The following ERGIC3 variants were observed in gnomAD, a reference collection of about 807,000 sequenced individuals.
ERGIC3 encodes the protein endoplasmic reticulum-Golgi intermediate compartment protein 3.
A neutral mutation model predicts 54.7 loss-of-function variants in ERGIC3; 33 were observed. The ratio of observed to expected loss-of-function variants is 0.60; its 90% CI spans 0.46 to 0.81. The LOEUF is 0.81. Ranked by LOEUF, ERGIC3 falls within the 30% of genes least tolerant of loss-of-function variation. The probability of loss-of-function intolerance (pLI) is 0.00; values close to 1 mark genes in which losing one functional copy is unlikely to be tolerated. For synonymous variants in ERGIC3, 186 were observed against 189.8 expected (o/e 0.98, Z 0.16); for missense variants, 399 against 488.4 (o/e 0.82, Z 1.73).
Position 35,554,215 on chromosome 20 carries a change from C to T in ERGIC3, c.686-829C>T, listed in dbSNP as rs1193493189. Among the ~76,000 whole-genome samples the T allele has an allele frequency of 4.6e-5, 7 of 152,164 alleles. No homozygotes were observed. The South Asian group carries it at 1.2e-3, about 27-fold the overall frequency. Reference sequence around the variant, plus strand: ...CTCTCTGGCCAGATTAGTTCACTCTCGAGGAGGGGCCCAGAAGGAGGCTTG... The same window carrying T: ...CTCTCTGGCCAGATTAGTTCACTCTTGAGGAGGGGCCCAGAAGGAGGCTTG... On this transcript the variant is annotated intron_variant, in intron 7 of 12. Transcript: ENST00000348547.
chr20:35,556,932 T>TCCTAGC lies in ERGIC3; in HGVS notation c.880-31_880-26dup, dbSNP rs768280329. On this transcript the variant is annotated intron_variant, in intron 10 of 12. Transcript: ENST00000348547. ...GGGGCTGATGGTGGCTGGAGCCAGG[T>TCCTAGC]CCTAGCCCTAGCCCTGGCCCAGGCT... 3.7e-6 allele frequency: 6 copies of TCCTAGC among 1,612,286 alleles called. No individual in the cohort carries two copies. The African/African-American group carries it at 4.0e-5, about 11-fold the overall frequency.
In ERGIC3 at chr20:35,542,770, ATCCCCTTG is replaced by A. The variant is rs777566008; in HGVS notation, c.248-47_248-40del. On this transcript the variant is annotated intron_variant, in intron 3 of 12. Coordinates refer to ENST00000348547, the MANE Select transcript of ERGIC3 (RefSeq NM_015966.3). ...TATCCCCTTCCCCTCCAAAACCCAC[ATCCCCTTG>A]TCCCTAGGGTCCCAGTACCTTAGCC... The A allele has an allele frequency of 2.5e-6, 4 of 1,613,544 alleles. No homozygotes were observed. In the East Asian group the frequency reaches 8.9e-5, roughly 36 times the overall value.
In ERGIC3 at chr20:35,557,522, T is replaced by C; in HGVS notation, c.*18T>C. Reference sequence around the variant, plus strand: ...CAACGTAGTCACCCTCGGTGCTTCCTCTGTCTCCTCTTTCTCCCTGGCCTG... The same window carrying C: ...CAACGTAGTCACCCTCGGTGCTTCCCCTGTCTCCTCTTTCTCCCTGGCCTG... On this transcript the variant is annotated 3_prime_UTR_variant, in exon 13 of 13. Transcript: ENST00000348547. 6.2e-7 allele frequency: 1 copy of C among 1,609,622 alleles called. No individual in the cohort carries two copies.
chr20:35,552,568 G>T (rs1401722351), intron 7 of ERGIC3, among the ~76,000 whole-genome samples: 1 of 152,186 alleles, frequency 6.6e-6, no homozygotes, highest in Non-Finnish European at 1.5e-5. Flanking sequence ...AGGAAAGGAG[G>T]AAAGACAGGA....
At chr20:35,549,228 T>C in intron 7 of ERGIC3, 1 of 474,762 alleles carries the variant, frequency 2.1e-6, no homozygotes. Flanking sequence ...GTTGAAATGG[T>C]AGCCCCCCGT....
intron 4 of ERGIC3, chr20:35,543,258 G>C: frequency 2.8e-6 from 1 of 352,692 alleles, no homozygotes; most frequent in Non-Finnish European, 5.5e-6. Context: ...ATGGACCCAG[G>C]CTTCTTTGAG....
Position 35,542,536 on chromosome 20 carries a change from C to T in ERGIC3, c.183C>T (p.Asp61=). The change falls in exon 3 of 13, where the codon GAC becomes GAT. Residue 61 remains aspartate, a synonymous_variant. Transcript: ENST00000348547. ...TTEVHPELYV[D]KSRGDKLKIN... is the part of the protein sequence containing the mutation. ...AGGTGCATCCTGAGCTCTACGTGGA[C>T]AAGTCGCGGGGAGATAAACTGAAGA... is the stretch of plus-strand genomic sequence containing the variant. 6.8e-6 allele frequency: 11 copies of T among 1,613,984 alleles called. No individual in the cohort carries two copies. Among genetic ancestry groups the T allele is most frequent in the Non-Finnish European group, 9.3e-6 (11 of 1,180,018 alleles).
chr20:35,553,020 A>ATGTTTTTTTTT (rs2064689728), intron 7 of ERGIC3, among the ~76,000 whole-genome samples: 1 of 41,552 alleles, frequency 2.4e-5, no homozygotes, highest in African/African-American at 8.3e-5. Flanking sequence ...AAAGCTGGGG[A>ATGTTTTTTTTT]TTTTTTTTTT....
rs774671545 is a variant in ERGIC3 at position 35,543,023 on chromosome 20, G to C, written c.367+82G>C. ...TCTGCTAGCAAGTGAACTGTGGCAGGCATAGTGATACATTAAACAACTAAG... is the reference window on the plus strand; with the variant it reads ...TCTGCTAGCAAGTGAACTGTGGCAGCCATAGTGATACATTAAACAACTAAG... On this transcript the variant is annotated intron_variant, in intron 4 of 12. Coordinates refer to ENST00000348547, the MANE Select transcript of ERGIC3 (RefSeq NM_015966.3). The C allele has an allele frequency of 1.8e-5, 29 of 1,592,962 alleles. No homozygotes were observed. In the African/African-American group the frequency reaches 3.8e-4, roughly 21 times the overall value.
chr20:35,557,274 G>A (rs1428627013), intron 12 of ERGIC3, 25 bp downstream of exon 12: 20 of 1,613,962 alleles, frequency 1.2e-5, no homozygotes, highest in Non-Finnish European at 1.5e-5. Context: ...GCGTCTGTGA[G>A]CTGTGGGGTG....
intron 4 of ERGIC3, chr20:35,545,103 G>C (rs961417251): frequency 6.6e-6 from 1 of 152,514 alleles, no homozygotes; most frequent in East Asian, 1.9e-4. Flanking sequence ...ACGCCCAGCA[G>C]GGGATCTGCT....
In ERGIC3 at chr20:35,542,378, T is replaced by G; in HGVS notation, c.144T>G (p.Tyr48Ter). 1 of 1,613,748 alleles carries G rather than the reference T, an allele frequency of 6.2e-7. No individual in the cohort carries two copies. Among genetic ancestry groups the G allele is most frequent in the Non-Finnish European group, 8.5e-7 (1 of 1,179,962 alleles). The change falls in exon 2 of 13, where the codon TAT becomes TAG. Residue 48 changes from tyrosine to a stop codon, truncating the protein, a stop_gained. Coordinates refer to ENST00000348547, the MANE Select transcript of ERGIC3 (RefSeq NM_015966.3). LOFTEE classifies it high-confidence loss of function. ...TACTGTTCCTGTCCGAGCTGCAGTA[T>G]TACCTCACCACGGAGGTAAGGGGCG... ...MLLLFLSELQ[Y>*]YLTTEVHPEL...
intron 4 of ERGIC3, chr20:35,543,970 G>A (rs916495550): frequency 1.7e-4 from 52 of 312,052 alleles, no homozygotes; most frequent in Admixed American, 2.5e-4. Flanking sequence ...GGTATCTCAC[G>A]AGGTTGCAGT....
At chr20:35,543,662 T>C (rs1284933240) in intron 4 of ERGIC3, 1 of 471,192 alleles carries the variant, frequency 2.1e-6, no homozygotes. Flanking sequence ...TTTCAGCAGA[T>C]TAATGCAGGA....
chr20:35,544,975 G>A (rs892333693), intron 4 of ERGIC3: 1 of 151,988 alleles, frequency 6.6e-6, no homozygotes, highest in Non-Finnish European at 1.5e-5. Context: ...GCTACTTTTT[G>A]TATTTTTGGT....
At chr20:35,555,189 C>G (rs2064704441) in intron 8 of ERGIC3, 114 bp downstream of exon 8, 3 of 1,239,234 alleles carry the variant, frequency 2.4e-6, no homozygotes, top group Non-Finnish European at 3.5e-6. Context: ...AAAAATACAC[C>G]ACGTTCTGAA....
intron 7 of ERGIC3, among the ~76,000 whole-genome samples, chr20:35,552,225 G>A (rs2064685648): frequency 1.3e-5 from 2 of 152,146 alleles, no homozygotes; most frequent in African/African-American, 2.4e-5. Flanking sequence ...CATCTTCTCC[G>A]TGTTGTAGGA....
chr20:35,553,171 AT>A (rs61579080), intron 7 of ERGIC3, among the ~76,000 whole-genome samples: 59 of 127,356 alleles, frequency 4.6e-4, no homozygotes, highest in Admixed American at 5.8e-4. Flanking sequence ...TGCCTGGCTA[AT>A]TTTTTTTTTT....
At position 35,556,327 on chromosome 20, in the gene ERGIC3, C is replaced by G. The variant is rs751765226; in HGVS notation, c.879+56C>G. The G allele has an allele frequency of 3.9e-5, 61 of 1,583,078 alleles. No individual in the cohort carries two copies. In the Middle Eastern group the frequency reaches 3.8e-3, roughly 99 times the overall value. ...CTGCGCGGTGCCAAGCACTGGAGTT[C>G]CTGCATTTCGTTCCGTCAGCCTGGG... On this transcript the variant is annotated intron_variant, in intron 10 of 12. Coordinates refer to ENST00000348547, the MANE Select transcript of ERGIC3 (RefSeq NM_015966.3).
Sources: gnomAD v4.1 joint callset for allele counts (sites outside exome capture counted in the v4.1 genomes callset) on GRCh38, gnomAD v4.1.1 for gene constraint, MANE v1.5 for transcripts, NCBI Gene and HGNC (gene_info 2026-07-23, HGNC 2026-07-21) for gene names.